The following ZFAT variants were observed in gnomAD, a reference collection of about 807,000 sequenced individuals.
ZFAT encodes the protein zinc finger protein ZFAT.
ZFAT carries 64 observed loss-of-function variants against 117.7 expected under a neutral mutation model. The ratio of observed to expected loss-of-function variants is 0.54; its 90% CI spans 0.44 to 0.67. The LOEUF (loss-of-function observed/expected upper bound fraction) is 0.67, where lower values mean the gene tolerates loss of function less well. ZFAT is among the 30% of genes least tolerant of loss of function. The pLI is 0.00. For missense variants in ZFAT, 1,433 were observed against 1,584.5 expected (o/e 0.90, Z 1.62); for synonymous variants, 679 against 615.0 (o/e 1.10, Z -1.54).
chr8:134,782,857 T>A, the ZFAT span, among the ~76,000 whole-genome samples: 1 of 152,082 alleles, frequency 6.6e-6, no homozygotes, highest in African/African-American at 2.4e-5. Flanking sequence ...ACACCCTGCA[T>A]CTCTTTTTAA....
chr8:134,583,992 G>A lies in ZFAT; in HGVS notation c.2727C>T (p.Phe909=), dbSNP rs1407765031. Residue 909 remains phenylalanine, a synonymous_variant, in exon 10 of 16, where the codon TTC becomes TTT. Transcript: ENST00000377838. ...TTGCATACTCACACAAAGAACACTT[G>A]AAGGGCTTCACACCTGCCAAGGGAA... ...HIWAHEGVKP[F]KCSLCEYATR... 2 of 1,556,240 alleles carry A rather than the reference G, an allele frequency of 1.3e-6. No homozygotes were observed. Among genetic ancestry groups the A allele is most frequent in the Admixed American group, 2.0e-5 (1 of 51,246 alleles).
chr8:134,577,959 G>C (rs543036467), intron 10 of ZFAT, among the ~76,000 whole-genome samples: 1 of 152,242 alleles, frequency 6.6e-6, no homozygotes. Context: ...CCTTCCATAC[G>C]TGAGCACCTA....
At chr8:134,544,639 A>T (rs148839965) in intron 11 of ZFAT, among the ~76,000 whole-genome samples, 13 of 152,346 alleles carry the variant, frequency 8.5e-5, no homozygotes, top group African/African-American at 3.1e-4. Context: ...AGTTGAACAG[A>T]TACTTTACTA....
Position 134,596,865 on chromosome 8 carries a change from G to A in ZFAT, c.2475+3571C>T, listed in dbSNP as rs1586779907. Among the ~76,000 whole-genome samples, 2 of 152,200 alleles carry A rather than the reference G, an allele frequency of 1.3e-5. 1 individual carries two copies. Among genetic ancestry groups the A allele is most frequent in the East Asian group, 3.9e-4 (2 of 5,178 alleles). On this transcript the variant is annotated intron_variant, in intron 7 of 15. Coordinates refer to ENST00000377838, the MANE Select transcript of ZFAT (RefSeq NM_020863.4). ...CCACAGATATAGAGAGTAGATTAGT[G>A]GCTGCCTAGGGCTCAGGGAGGGGAA...
At chr8:134,500,398 G>A (rs1384016569) in intron 15 of ZFAT, among the ~76,000 whole-genome samples, 2 of 152,336 alleles carry the variant, frequency 1.3e-5, no homozygotes, top group East Asian at 3.9e-4. Context: ...GGATAGATGA[G>A]CATACTCAGG....
chr8:134,626,197 G>T lies in ZFAT; in HGVS notation c.448+11264C>A, dbSNP rs115752588. ...CTGTTTCTATCTGACATGTCTCTCA[G>T]GAAGACATCACTGCCAACAGGACTG... On this transcript the variant is annotated intron_variant, in intron 3 of 15. Coordinates refer to ENST00000377838, the MANE Select transcript of ZFAT (RefSeq NM_020863.4). Among the ~76,000 whole-genome samples, 1,431 of 152,286 alleles carry T rather than the reference G, an allele frequency of 9.4e-3. 19 individuals carry two copies. The highest frequency in any genetic ancestry group is 0.033 in the African/African-American group (1,373 of 41,554).
intron 11 of ZFAT, among the ~76,000 whole-genome samples, chr8:134,539,761 CTTT>C (rs1167569601): frequency 2.0e-5 from 3 of 152,184 alleles, no homozygotes; most frequent in Admixed American, 2.0e-4. Context: ...ATGCGGACAA[CTTT>C]ACAACACAGA....
intron 10 of ZFAT, 100 bp from the exon 11 acceptor site, chr8:134,565,521 G>T: frequency 1.8e-6 from 2 of 1,088,574 alleles, no homozygotes; most frequent in Non-Finnish European, 2.7e-6. Flanking sequence ...GGTGTTCCTT[G>T]CCATGTGAGG....
the ZFAT span, among the ~76,000 whole-genome samples, chr8:134,777,614 A>C: frequency 6.6e-6 from 1 of 152,194 alleles, no homozygotes; most frequent in Non-Finnish European, 1.5e-5. Flanking sequence ...GATGCTATTT[A>C]AATGCAAGTT....
At chr8:134,533,301 A>AT (rs142476772) in intron 11 of ZFAT, among the ~76,000 whole-genome samples, 29 of 152,104 alleles carry the variant, frequency 1.9e-4, no homozygotes, top group South Asian at 6.2e-4. Context: ...CTAATCTATC[A>AT]TTTTTTTAAG....
chr8:134,480,792 C>T (rs1427286902), intron 15 of ZFAT, among the ~76,000 whole-genome samples: 1 of 152,216 alleles, frequency 6.6e-6, no homozygotes, highest in East Asian at 1.9e-4. Flanking sequence ...TTCTACTCCC[C>T]ACCTCTTCTG....
intron 11 of ZFAT, among the ~76,000 whole-genome samples, chr8:134,534,775 A>AAGAGAGAGAGAGAGAGAG (rs36097833): frequency 1.8e-4 from 25 of 136,438 alleles, no homozygotes; most frequent in Non-Finnish European, 2.8e-4. Flanking sequence ...GAGAGGGAGA[A>AAGAGAGAGAGAGAGAGAG]AGAGAGAGAG....
chr8:134,641,173 C>CTT (rs1830557105), intron 2 of ZFAT, among the ~76,000 whole-genome samples: 1 of 152,246 alleles, frequency 6.6e-6, no homozygotes, highest in Admixed American at 6.5e-5. Context: ...GCCCACAACT[C>CTT]TCAGGCCTGG....
intron 3 of ZFAT, among the ~76,000 whole-genome samples, chr8:134,625,292 C>G (rs1829425469): frequency 6.6e-6 from 1 of 152,204 alleles, no homozygotes; most frequent in South Asian, 2.1e-4. Context: ...CCCATGGCGG[C>G]CTTACATACT....
the ZFAT span, among the ~76,000 whole-genome samples, chr8:134,782,934 G>A: frequency 1.3e-4 from 19 of 151,680 alleles, no homozygotes; most frequent in Non-Finnish European, 1.5e-5. Flanking sequence ...CAAGCTTTAA[G>A]TTTGCGGACA....
At chr8:134,670,364 T>A (rs1748686447) in intron 1 of ZFAT, among the ~76,000 whole-genome samples, 1 of 152,224 alleles carries the variant, frequency 6.6e-6, no homozygotes. Flanking sequence ...AAAGCACTCC[T>A]CAGCAAATGT....
chr8:134,526,428 G>A lies in ZFAT; in HGVS notation c.3116-5427C>T, dbSNP rs576684113. Among the ~76,000 whole-genome samples, 22 of 152,208 alleles carry A rather than the reference G, an allele frequency of 1.4e-4. No homozygotes were observed. In the East Asian group the frequency reaches 2.1e-3, roughly 15 times the overall value. On this transcript the variant is annotated intron_variant, in intron 12 of 15. Transcript: ENST00000377838. ...TAGGCAATGCACAGTAAAGGTCAAC[G>A]GAAGACTTGGTGAATTTACTCATGG... is the stretch of plus-strand genomic sequence containing the variant.
rs544049568 is a variant in ZFAT, at chr8:134,669,288, G to C, written c.20-11551C>G. ...TACTCCTCAAGAAGAGCAGCTCCAA[G>C]ACAAACAATTGTCAGATTCACCAAA... On this transcript the variant is annotated intron_variant, in intron 1 of 15. Transcript: ENST00000377838. 1.2e-4 allele frequency among the ~76,000 whole-genome samples: 18 copies of C among 152,198 alleles called. No homozygotes were observed. In the South Asian group the frequency reaches 3.7e-3, roughly 32 times the overall value.
At chr8:134,753,206 A>T in the ZFAT span, among the ~76,000 whole-genome samples, 4 of 149,116 alleles carry the variant, frequency 2.7e-5, no homozygotes, top group Non-Finnish European at 4.4e-5. Flanking sequence ...GTCTCTAAAA[A>T]AAACAACACA....
Sources: gnomAD v4.1 joint callset for allele counts (sites outside exome capture counted in the v4.1 genomes callset) on GRCh38, gnomAD v4.1.1 for gene constraint, MANE v1.5 for transcripts, NCBI Gene and HGNC (gene_info 2026-07-23, HGNC 2026-07-21) for gene names.